Variants in ADSL observed in about 807,000 individuals in gnomAD.
ADSL encodes the protein adenylosuccinate lyase.
In ADSL, 44 loss-of-function variants were observed where a neutral mutation model predicts 62.1. The observed-to-expected ratio is 0.71, with a 90% confidence interval of 0.56 to 0.91. The LOEUF (loss-of-function observed/expected upper bound fraction) is 0.91. ADSL is among the 40% of genes least tolerant of loss of function. The pLI, the probability that ADSL is intolerant of heterozygous loss-of-function variation, is 0.00. For synonymous variants in ADSL, 198 were observed against 220.5 expected, an observed-to-expected ratio of 0.90 and a Z score of 0.90; for missense variants, 531 against 627.4, an observed-to-expected ratio of 0.85 and a Z score of 1.64.
rs554254383 is a variant in ADSL at position 40,364,976 on chromosome 22, G to A, written c.1288G>A (p.Asp430Asn). 13 of 1,613,972 alleles carry A rather than the reference G, an allele frequency of 8.1e-6. No homozygotes were observed. The highest frequency in any genetic ancestry group is 1.6e-4 in the Middle Eastern group (1 of 6,082). The change falls in exon 12 of 13, where the codon GAT becomes AAT. Residue 430 changes from aspartate (D) to asparagine (N), a missense_variant. Asp to Asn is a conservative substitution (Grantham distance 23). This residue lies in a region of ADSL where 471 missense variants were observed against 592.9 expected (regional missense o/e 0.79). Coordinates refer to ENST00000623063, the MANE Select transcript of ADSL (RefSeq NM_000026.4). ...TGACCTCATAGAGCGTATCCAGGTT[G>A]ATGCCTACTTCAGTCCCATTCACTC... ...DNDLIERIQVDAYFSPIHSQL... is the reference protein window; with the variant it reads ...DNDLIERIQVNAYFSPIHSQL...
chr22:40,369,125 G>C lies in ADSL; in HGVS notation c.*2603G>C, dbSNP rs1257169113. 1 of 152,156 alleles carries C rather than the reference G, an allele frequency of 6.6e-6. No individual in the cohort carries two copies. The highest frequency in any genetic ancestry group is 2.4e-5 in the African/African-American group (1 of 41,440). The allele number at this position is 152,156 out of a possible 1,614,324, so 9.4% of individuals were successfully genotyped here. A position where few individuals can be genotyped will look rare whatever the true frequency, so the allele number is the denominator to read the frequency against. On this transcript the variant is annotated 3_prime_UTR_variant, in exon 13 of 13. Transcript: ENST00000623063. ...GGGATATAGGATACCATGGATTTTA[G>C]TTAATACATTTCCTCATAGAAAATA...
intron 2 of ADSL, chr22:40,387,132 C>A: frequency 2.5e-6 from 1 of 398,094 alleles, no homozygotes; most frequent in Non-Finnish European, 4.4e-6. Flanking sequence ...CAGTCCTTTG[C>A]TGAGGTGTAA....
intron 1 of ADSL, chr22:40,348,466 C>T (rs866192249): frequency 5.0e-6 from 2 of 398,616 alleles, no homozygotes; most frequent in East Asian, 3.6e-5. Context: ...TCGTTACAAC[C>T]TCTGCATCCT....
chr22:40,349,754 GT>G (rs1197296678), intron 1 of ADSL, 77 bp from the exon 2 acceptor site: 16 of 1,330,340 alleles, frequency 1.2e-5, no homozygotes, highest in South Asian at 2.5e-5. Flanking sequence ...ACATGAATCA[GT>G]TTTTTTTCCT....
chr22:40,378,092 A>G (rs1298456878), intron 2 of ADSL: 1 of 152,214 alleles, frequency 6.6e-6, no homozygotes, highest in Non-Finnish European at 1.5e-5. Context: ...AAATTGTTCA[A>G]GCCAAGACAA....
intron 4 of ADSL, among the ~76,000 whole-genome samples, chr22:40,357,707 C>T (rs540056747): frequency 2.8e-4 from 42 of 152,358 alleles, no homozygotes; most frequent in African/African-American, 9.9e-4. Context: ...TCTAGAGCAG[C>T]CATCACCATT....
intron 1 of ADSL, chr22:40,348,563 G>A: frequency 2.5e-6 from 1 of 398,454 alleles, no homozygotes; most frequent in Non-Finnish European, 4.4e-6. Context: ...GTGTTGTTTT[G>A]TAGAGATGGG....
intron 2 of ADSL, among the ~76,000 whole-genome samples, chr22:40,385,063 A>G (rs957599101): frequency 6.6e-6 from 1 of 152,224 alleles, no homozygotes; most frequent in Non-Finnish European, 1.5e-5. Context: ...AGAAAAAACA[A>G]TATGGTCTGT....
intron 2 of ADSL, among the ~76,000 whole-genome samples, chr22:40,351,453 T>G (rs2044344865): frequency 6.6e-6 from 1 of 152,056 alleles, no homozygotes. Context: ...ATTACAGGCG[T>G]TAGCCACCAC....
rs890498266 is a variant in ADSL at position 40,361,558 on chromosome 22, G to A, written c.933G>A (p.Leu311=). The change falls in exon 9 of 13, where the codon CTG becomes CTA. Residue 311 remains leucine (L), a synonymous_variant. Transcript: ENST00000623063. The stretch of plus-strand genomic sequence containing the variant: ...GTTGCTGCAGTCTTGCCCGCCACCT[G>A]ATGACCCTTGTCATGGACCCGCTAC... ...SERCCSLARH[L]MTLVMDPLQT... 10 of 1,614,108 alleles carry A rather than the reference G, an allele frequency of 6.2e-6. No individual in the cohort carries two copies. The highest frequency in any genetic ancestry group is 2.7e-5 in the African/African-American group (2 of 74,942).
In ADSL at chr22:40,361,179, A is replaced by G; in HGVS notation, c.793-94A>G. ...TCTTCAGCTCAGCCACAGCACACCT[A>G]AGAGCTCATCTCCTTCATCAGCCTA... On this transcript the variant is annotated intron_variant, in intron 7 of 12. Coordinates refer to ENST00000623063, the MANE Select transcript of ADSL (RefSeq NM_000026.4). The G allele has an allele frequency of 2.6e-6, 3 of 1,173,978 alleles. No individual in the cohort carries two copies. The South Asian group carries it at 3.7e-5, about 14-fold the overall frequency. 72.7% of individuals were successfully genotyped at this position (1,173,978 alleles called of 1,614,324 possible). A position where few individuals can be genotyped will look rare whatever the true frequency, so the allele number is the denominator to read the frequency against.
At chr22:40,350,746 G>A (rs987302475) in intron 2 of ADSL, among the ~76,000 whole-genome samples, 1 of 151,866 alleles carries the variant, frequency 6.6e-6, no homozygotes, top group Non-Finnish European at 1.5e-5. Flanking sequence ...GGCCTCCCCA[G>A]TAGCTGGGAT....
At position 40,368,199 on chromosome 22, in the gene ADSL, A is replaced by G. The variant is rs2045056754; in HGVS notation, c.*1677A>G. On this transcript the variant is annotated 3_prime_UTR_variant, in exon 13 of 13. Coordinates refer to ENST00000623063, the MANE Select transcript of ADSL (RefSeq NM_000026.4). Reference sequence around the variant, plus strand: ...AGACACACTGAGCTCAATACCCATTACTGAGACTGGCTTGGGGCCAGACAT... The same window carrying G: ...AGACACACTGAGCTCAATACCCATTGCTGAGACTGGCTTGGGGCCAGACAT... 6.6e-6 allele frequency: 1 copy of G among 152,228 alleles called. No individual in the cohort carries two copies. Among genetic ancestry groups the G allele is most frequent in the South Asian group, 2.1e-4 (1 of 4,828 alleles). The allele number at this position is 152,228 out of a possible 1,614,324, so 9.4% of individuals were successfully genotyped here.
chr22:40,364,710 G>T (rs550063334), intron 11 of ADSL, 170 bp from the exon 12 acceptor site: 129 of 718,166 alleles, frequency 1.8e-4, no homozygotes, highest in Non-Finnish European at 3.0e-4. Context: ...TAAGATGTGG[G>T]CAGAGAGTTG....
At chr22:40,348,837 C>G (rs1015894173) in intron 1 of ADSL, 3 of 366,964 alleles carry the variant, frequency 8.2e-6, no homozygotes. Context: ...AGTTTCACCA[C>G]TGTTTGTATT....
rs1334603251 is a variant in ADSL at position 40,349,856 on chromosome 22, G to A, written c.178G>A (p.Glu60Lys). ...EQTLGLPITD[E>K]QIQEMKSNLE... ...GACATTGGGTTTGCCTATCACAGAT[G>A]AACAAATCCAGGAGATGAAATCAAA... The change falls in exon 2 of 13, where the codon GAA (glutamate) becomes AAA (lysine). Residue 60 changes from glutamate to lysine, a missense_variant. Coordinates refer to ENST00000623063, the MANE Select transcript of ADSL (RefSeq NM_000026.4). 2 of 1,614,040 alleles carry A rather than the reference G, an allele frequency of 1.2e-6. No individual in the cohort carries two copies. Among genetic ancestry groups the A allele is most frequent in the South Asian group, 1.1e-5 (1 of 91,052 alleles).
intron 2 of ADSL, among the ~76,000 whole-genome samples, chr22:40,381,376 T>TGGGC (rs2047555504): frequency 6.6e-6 from 1 of 152,168 alleles, no homozygotes; most frequent in Non-Finnish European, 1.5e-5. Context: ...CTCAAACTCT[T>TGGGC]GGGCTCAAGT....
At chr22:40,366,376 G>A (rs2045006619) in intron 12 of ADSL, 60 bp from the exon 13 acceptor site, 1 of 1,243,666 alleles carries the variant, frequency 8.0e-7, no homozygotes, top group Admixed American at 1.7e-5. Flanking sequence ...CATTGGAAAA[G>A]GTATTATCTG....
At chr22:40,356,283 T>G (rs1392638847) in intron 4 of ADSL, among the ~76,000 whole-genome samples, 1 of 151,112 alleles carries the variant, frequency 6.6e-6, no homozygotes, top group African/African-American at 2.4e-5. Context: ...GTGCCTGTAA[T>G]CTCAGCACTT....
Sources: gnomAD v4.1 joint callset for allele counts (sites outside exome capture counted in the v4.1 genomes callset) on GRCh38, gnomAD v4.1.1 for gene constraint, gnomAD v4.1.1 regional missense constraint, MANE v1.5 for transcripts, NCBI Gene and HGNC (gene_info 2026-07-23, HGNC 2026-07-21) for gene names.